The following C11orf65 variants were observed in gnomAD, a reference collection of about 807,000 sequenced individuals.
C11orf65 encodes protein MFI.
In C11orf65, 38 loss-of-function variants were observed where a neutral mutation model predicts 35.3. The ratio of observed to expected loss-of-function variants is 1.08; its 90% confidence interval spans 0.83 to 1.41. The LOEUF is 1.41. Among genes scored for constraint, C11orf65 ranks in the 40% most tolerant of loss-of-function variants. C11orf65 has a pLI of 0.00. For synonymous variants in C11orf65, 105 were observed against 114.4 expected (o/e 0.92, Z 0.53); for missense variants, 370 against 367.1 (o/e 1.01, Z -0.06).
chr11:108,336,376 C>A (rs906131534), intron 2 of C11orf65: 1 of 157,610 alleles, frequency 6.3e-6, no homozygotes, highest in East Asian at 1.9e-4. Flanking sequence ...CTGTGAAGGA[C>A]CAAATAATAA....
At chr11:108,334,454 A>C (rs575343577) in intron 3 of C11orf65, among the ~76,000 whole-genome samples, 1 of 152,352 alleles carries the variant, frequency 6.6e-6, no homozygotes, top group African/African-American at 2.4e-5. Context: ...TATTGCAAGA[A>C]ATAATGGAAG....
downstream of C11orf65, among the ~76,000 whole-genome samples, chr11:108,328,466 G>A (rs929665663): frequency 6.6e-6 from 1 of 151,926 alleles, no homozygotes; most frequent in African/African-American, 2.4e-5. Context: ...GTCTGGTCTC[G>A]AACTCCTGAC....
intron 3 of C11orf65, among the ~76,000 whole-genome samples, chr11:108,409,271 T>G (rs1413291326): frequency 1.3e-5 from 2 of 152,182 alleles, no homozygotes; most frequent in African/African-American, 4.8e-5. Flanking sequence ...TCTCTAGTTT[T>G]GGGTTAAAAT....
At chr11:108,378,179 C>A (rs2091778235), downstream of C11orf65, among the ~76,000 whole-genome samples, 2 of 152,120 alleles carry the variant, frequency 1.3e-5, no homozygotes, top group Non-Finnish European at 2.9e-5. Context: ...GCAAGTCAAT[C>A]CTAAGCCAAA....
At chr11:108,451,244 A>G (rs550054229) in intron 2 of C11orf65, among the ~76,000 whole-genome samples, 4 of 152,110 alleles carry the variant, frequency 2.6e-5, no homozygotes, top group Non-Finnish European at 4.4e-5. Flanking sequence ...ACATGATTGT[A>G]TATTTAGAAA....
chr11:108,373,691 C>T lies in C11orf65; in HGVS notation c.226+19517G>A, dbSNP rs564173067. Among the ~76,000 whole-genome samples the T allele has an allele frequency of 1.7e-4, 26 of 152,312 alleles. No individual in the cohort carries two copies. In the East Asian group the frequency reaches 3.5e-3, roughly 20 times the overall value. On this transcript the variant is annotated intron_variant, in intron 2 of 3. Coordinates refer to the C11orf65 transcript ENST00000524755. ...AGTAGGTGCAGGACAGTGGGTGCAG[C>T]GCACCGTGCGCCAGCCGAAGCAGGG...
At position 108,467,453 on chromosome 11, in the gene C11orf65, A is replaced by T. The variant is rs2093554552; in HGVS notation, c.-10+18T>A. The T allele has an allele frequency of 6.6e-6, 1 of 152,328 alleles. No homozygotes were observed. The highest frequency in any genetic ancestry group is 1.5e-5 in the Non-Finnish European group (1 of 68,164). The allele number at this position is 152,328 out of a possible 1,614,324, so 9.4% of individuals were successfully genotyped here. The stretch of plus-strand genomic sequence containing the variant: ...AGTAGTACGCGCTGAGAGAAGGGAC[A>T]CTATTCCCTTCACCTACCAATCGCT... On this transcript the variant is annotated intron_variant, in intron 1 of 8. Coordinates refer to ENST00000393084, the MANE Select transcript of C11orf65 (RefSeq NM_152587.5).
intron 3 of C11orf65, among the ~76,000 whole-genome samples, chr11:108,408,654 C>A (rs970925425): frequency 1.1e-5 from 1 of 91,952 alleles, no homozygotes; most frequent in African/African-American, 4.4e-5. Flanking sequence ...CCAGCCTGGG[C>A]AACAGAGACT....
At chr11:108,389,477 T>C (rs1274985115) in intron 7 of C11orf65, among the ~76,000 whole-genome samples, 1 of 152,198 alleles carries the variant, frequency 6.6e-6, no homozygotes, top group Non-Finnish European at 1.5e-5. Context: ...TAAGAGTCCA[T>C]GTTGGTACAA....
chr11:108,390,983 T>C (rs2092146169), intron 7 of C11orf65, among the ~76,000 whole-genome samples: 1 of 152,146 alleles, frequency 6.6e-6, no homozygotes, highest in Non-Finnish European at 1.5e-5. Flanking sequence ...TTTATTCTTG[T>C]TTTGATTTTC....
In C11orf65 at chr11:108,430,167, C is replaced by T. The variant is rs766066684; in HGVS notation, c.174+1579G>A. ...TTTTTGAGACAGAGTCTTGCTCTGT[C>T]GCCCAGGCTGGAGTGCAGTGGTGTG... On this transcript the variant is annotated intron_variant, in intron 3 of 8. Coordinates refer to ENST00000393084, the MANE Select transcript of C11orf65 (RefSeq NM_152587.5). 3.6e-5 allele frequency among the ~76,000 whole-genome samples: 5 copies of T among 140,016 alleles called. No individual in the cohort carries two copies. The Admixed American group carries it at 3.8e-4, about 11-fold the overall frequency. The allele number at this position is 140,016 out of a possible 152,430, so 91.9% of individuals were successfully genotyped here.
chr11:108,384,614 A>G (rs1166810128), intron 8 of C11orf65, among the ~76,000 whole-genome samples: 2 of 152,052 alleles, frequency 1.3e-5, no homozygotes, highest in African/African-American at 2.4e-5. Context: ...TCTTGACAAA[A>G]ATACAAAAAT....
intron 2 of C11orf65, among the ~76,000 whole-genome samples, chr11:108,451,739 T>C (rs969312189): frequency 1.3e-5 from 2 of 152,178 alleles, no homozygotes; most frequent in Non-Finnish European, 2.9e-5. Flanking sequence ...GGCATCACGC[T>C]ACCTGACTTC....
intron 6 of C11orf65, among the ~76,000 whole-genome samples, chr11:108,405,112 G>A (rs1042380564): frequency 1.3e-5 from 2 of 152,226 alleles, no homozygotes; most frequent in Middle Eastern, 3.2e-3. Flanking sequence ...AGTCCACAAT[G>A]TCAGTTAGCC....
Position 108,454,302 on chromosome 11 carries a change from CT to C in C11orf65, c.81+7176del, listed in dbSNP as rs35688885. On this transcript the variant is annotated intron_variant, in intron 2 of 8. Transcript: ENST00000393084. Reference sequence around the variant, plus strand: ...TTCTGATTTTATTTATTTGAGTCTTCTTTTTTTTTTTTTTTGAGACACTTTC... The same window carrying C: ...TTCTGATTTTATTTATTTGAGTCTTCTTTTTTTTTTTTTTGAGACACTTTC... Among the ~76,000 whole-genome samples, 1,142 of 137,940 alleles carry C rather than the reference CT, an allele frequency of 8.3e-3. 6 individuals are homozygous for C. The highest frequency in any genetic ancestry group is 0.024 in the African/African-American group (902 of 38,074). 90.5% of individuals were successfully genotyped at this position (137,940 alleles called of 152,430 possible).
intron 2 of C11orf65, among the ~76,000 whole-genome samples, chr11:108,446,475 A>G (rs2093260868): frequency 1.3e-5 from 2 of 151,758 alleles, no homozygotes; most frequent in South Asian, 4.1e-4. Flanking sequence ...GGGGGCCAAT[A>G]TTCAACATTC....
At chr11:108,312,304 TG>T in intron 6 of C11orf65, 1 of 820,230 alleles carries the variant, frequency 1.2e-6, no homozygotes, top group Non-Finnish European at 2.1e-6. Flanking sequence ...TATTCTGTTT[TG>T]TTTGCCACCT....
rs998286839 is a variant in C11orf65 at position 108,405,563 on chromosome 11, T to C, written c.430-4A>G. 28 of 1,609,744 alleles carry C rather than the reference T, an allele frequency of 1.7e-5. No individual in the cohort carries two copies. Among genetic ancestry groups the C allele is most frequent in the East Asian group, 2.2e-5 (1 of 44,828 alleles). ...TACCATCAGTAGATAGCCAAAACTA[T>C]TGAGAAACAAAAATGAACATACAAA... is the stretch of plus-strand genomic sequence containing the variant. On this transcript the variant is annotated splice_polypyrimidine_tract_variant and splice_region_variant and intron_variant, in intron 5 of 8. Coordinates refer to ENST00000393084, the MANE Select transcript of C11orf65 (RefSeq NM_152587.5).
At chr11:108,455,084 C>T (rs1440885896) in intron 2 of C11orf65, among the ~76,000 whole-genome samples, 1 of 152,134 alleles carries the variant, frequency 6.6e-6, no homozygotes, top group Non-Finnish European at 1.5e-5. Context: ...TTTTGTTTGT[C>T]TCAATATATT....
Sources: gnomAD v4.1 joint callset for allele counts (sites outside exome capture counted in the v4.1 genomes callset) on GRCh38, gnomAD v4.1.1 for gene constraint, MANE v1.5 for transcripts, NCBI Gene and HGNC (gene_info 2026-07-23, HGNC 2026-07-21) for gene names.